The following TMEM117 variants were observed in gnomAD, a reference collection of about 807,000 sequenced individuals.
TMEM117 encodes the protein transmembrane protein 117.
A neutral mutation model predicts 52.4 loss-of-function variants in TMEM117; 27 were observed. The observed-to-expected ratio is 0.51, with a 90% confidence interval of 0.38 to 0.71. TMEM117 has a LOEUF of 0.71. Among genes scored for constraint, TMEM117 ranks in the 30% least tolerant of loss-of-function variants. TMEM117 has a pLI of 0.00. For missense variants in TMEM117, 556 were observed against 630.5 expected (o/e 0.88, Z 1.26); for synonymous variants, 215 against 206.3 (o/e 1.04, Z -0.36).
intron 5 of TMEM117, among the ~76,000 whole-genome samples, chr12:44,212,976 A>T (rs1465610589): frequency 2.0e-5 from 3 of 152,200 alleles, no homozygotes; most frequent in Non-Finnish European, 4.4e-5. Context: ...ACTGTTATGA[A>T]AATGAATATG....
intron 3 of TMEM117, among the ~76,000 whole-genome samples, chr12:44,100,222 C>T (rs1947838596): frequency 6.6e-6 from 1 of 151,892 alleles, no homozygotes; most frequent in African/African-American, 2.4e-5. Flanking sequence ...ATAAACGTGC[C>T]AGATGGGAAT....
intron 3 of TMEM117, among the ~76,000 whole-genome samples, chr12:43,969,214 AC>A (rs895747026): frequency 5.5e-4 from 83 of 151,926 alleles, no homozygotes; most frequent in African/African-American, 2.0e-3. Context: ...AGATTTATCA[AC>A]CCTTTAAAAC....
At chr12:43,988,309 G>T (rs1945881403) in intron 3 of TMEM117, among the ~76,000 whole-genome samples, 1 of 151,978 alleles carries the variant, frequency 6.6e-6, no homozygotes, top group Admixed American at 6.6e-5. Flanking sequence ...GTGAATTTGT[G>T]TTATTTAACC....
chr12:44,099,244 G>A (rs1947822967), intron 3 of TMEM117, among the ~76,000 whole-genome samples: 1 of 151,258 alleles, frequency 6.6e-6, no homozygotes, highest in South Asian at 2.1e-4. Context: ...CTTGGTATCA[G>A]CATTTTTGTT....
the TMEM117 span, among the ~76,000 whole-genome samples, chr12:43,813,197 A>G: frequency 5.7e-4 from 47 of 82,732 alleles, no homozygotes; most frequent in African/African-American, 2.0e-3. Flanking sequence ...CCTAGGTGCT[A>G]TTTCATTCAG....
intron 4 of TMEM117, among the ~76,000 whole-genome samples, chr12:44,194,330 A>T (rs1312709252): frequency 3.3e-5 from 5 of 152,242 alleles, no homozygotes; most frequent in Non-Finnish European, 7.3e-5. Flanking sequence ...AAAAATTTCC[A>T]TAATATTTGG....
intron 5 of TMEM117, among the ~76,000 whole-genome samples, chr12:44,281,182 T>C (rs890231447): frequency 2.0e-4 from 30 of 152,344 alleles, no homozygotes; most frequent in Non-Finnish European, 1.3e-4. Context: ...TTTTGATCTT[T>C]CATTGTGACA....
At chr12:44,208,261 C>T (rs900618042) in intron 4 of TMEM117, among the ~76,000 whole-genome samples, 3 of 152,160 alleles carry the variant, frequency 2.0e-5, no homozygotes, top group Admixed American at 6.5e-5. Flanking sequence ...GATTATCTGA[C>T]AAGCCATGAT....
intron 2 of TMEM117, among the ~76,000 whole-genome samples, chr12:43,858,940 C>T (rs76428704): frequency 0.026 from 3,982 of 152,218 alleles, 192 homozygotes; most frequent in African/African-American, 0.092. Flanking sequence ...ATTGCCAGCA[C>T]TGCAGTGGGA....
intron 5 of TMEM117, among the ~76,000 whole-genome samples, chr12:44,262,822 C>T (rs1317956730): frequency 6.6e-6 from 1 of 152,116 alleles, no homozygotes; most frequent in Non-Finnish European, 1.5e-5. Flanking sequence ...CTCCTGACTT[C>T]GTGATCCACC....
At chr12:44,218,072 A>G (rs901220405) in intron 5 of TMEM117, among the ~76,000 whole-genome samples, 1 of 152,100 alleles carries the variant, frequency 6.6e-6, no homozygotes, top group Middle Eastern at 3.2e-3. Context: ...AAAAATACAA[A>G]AATTGGCTGG....
intron 2 of TMEM117, among the ~76,000 whole-genome samples, chr12:43,882,230 C>T (rs1028832824): frequency 1.3e-5 from 2 of 152,066 alleles, no homozygotes; most frequent in African/African-American, 2.4e-5. Context: ...AAGGCCAAGG[C>T]GGGCGGATCA....
intron 3 of TMEM117, among the ~76,000 whole-genome samples, chr12:44,116,677 C>T (rs1406758553): frequency 6.6e-6 from 1 of 152,362 alleles, no homozygotes; most frequent in East Asian, 1.9e-4. Context: ...ACCTTCCTCA[C>T]TTCCTGTATT....
chr12:44,368,591 T>A (rs1951821965), intron 6 of TMEM117, among the ~76,000 whole-genome samples: 2 of 152,174 alleles, frequency 1.3e-5, no homozygotes. Context: ...CTTTTGACAG[T>A]ATGCAATTAA....
In TMEM117 at chr12:44,388,456, C is replaced by A; in HGVS notation, c.1329C>A (p.Ser443Arg). ...AAAGAAAATCTCCATCAGAACATAG[C>A]AAAGACATGGGAATCACTCGAGAAA... ...RMKRKSPSEH[S>R]KDMGITRENT... The change falls in exon 8 of 8, where the codon AGC becomes AGA. Residue 443 changes from serine (S) to arginine (R), a missense_variant. Coordinates refer to ENST00000266534, the MANE Select transcript of TMEM117 (RefSeq NM_032256.3). 5 of 1,613,298 alleles carry A rather than the reference C, an allele frequency of 3.1e-6. No individual in the cohort carries two copies. Among genetic ancestry groups the A allele is most frequent in the Non-Finnish European group, 4.2e-6 (5 of 1,179,608 alleles).
At chr12:44,127,001 A>G (rs1324675058) in intron 3 of TMEM117, among the ~76,000 whole-genome samples, 1 of 152,214 alleles carries the variant, frequency 6.6e-6, no homozygotes, top group African/African-American at 2.4e-5. Flanking sequence ...AATTTCAGAA[A>G]TATTGCGAAA....
intron 2 of TMEM117, among the ~76,000 whole-genome samples, chr12:43,877,798 T>A (rs1943826211): frequency 6.6e-6 from 1 of 152,010 alleles, no homozygotes; most frequent in Admixed American, 6.6e-5. Context: ...TTGGTTTAGA[T>A]CTGTTAACTC....
chr12:44,032,332 A>G (rs1946646450), intron 3 of TMEM117, among the ~76,000 whole-genome samples: 1 of 152,254 alleles, frequency 6.6e-6, no homozygotes, highest in Non-Finnish European at 1.5e-5. Context: ...TGTGGTACAC[A>G]TTATTAAATT....
At chr12:43,928,789 C>G (rs1275419298) in intron 2 of TMEM117, among the ~76,000 whole-genome samples, 2 of 145,788 alleles carry the variant, frequency 1.4e-5, no homozygotes, top group East Asian at 4.2e-4. Flanking sequence ...GTTCCCCTTC[C>G]TGTGTCCATG....
Sources: allele counts gnomAD v4.1 joint callset (sites outside exome capture counted in the v4.1 genomes callset), GRCh38; gene constraint gnomAD v4.1.1; transcripts MANE v1.5; gene names NCBI Gene and HGNC (gene_info 2026-07-23, HGNC 2026-07-21).